DLGAP2: variants seen among roughly 807,000 people sequenced by gnomAD.
DLGAP2 encodes the protein DLG associated protein 2, also known as disks large-associated protein 2.
A neutral mutation model predicts 100.3 loss-of-function variants in DLGAP2; 26 were observed. The ratio of observed to expected loss-of-function variants is 0.26; its 90% CI spans 0.19 to 0.36. DLGAP2 has a LOEUF of 0.36. Among genes scored for constraint, DLGAP2 ranks in the 10% least tolerant of loss-of-function variants. The probability of loss-of-function intolerance (pLI) is 1.00; values close to 1 mark genes in which losing one functional copy is unlikely to be tolerated. For synonymous variants in DLGAP2, 886 were observed against 630.1 expected, an observed-to-expected ratio of 1.41 and a Z score of -6.08; for missense variants, 1,858 against 1,453.2, an observed-to-expected ratio of 1.28 and a Z score of -4.53.
intron 3 of DLGAP2, among the ~76,000 whole-genome samples, chr8:1,331,475 C>T (rs533337523): frequency 6.6e-6 from 1 of 152,332 alleles, no homozygotes; most frequent in African/African-American, 2.4e-5. Context: ...CAACAGACTC[C>T]TCCTGCCCAG....
At chr8:782,143 T>C (rs1205310696) in intron 1 of DLGAP2, among the ~76,000 whole-genome samples, 1 of 152,126 alleles carries the variant, frequency 6.6e-6, no homozygotes, top group Non-Finnish European at 1.5e-5. Context: ...GATTTTATTA[T>C]ATGAATGTAA....
At chr8:1,069,699 C>A (rs543346969) in intron 2 of DLGAP2, among the ~76,000 whole-genome samples, 1 of 152,082 alleles carries the variant, frequency 6.6e-6, no homozygotes, top group Non-Finnish European at 1.5e-5. Flanking sequence ...TAATGCTGTA[C>A]CTACGATAAA....
intron 3 of DLGAP2, among the ~76,000 whole-genome samples, chr8:1,342,895 C>T (rs549581230): frequency 2.8e-4 from 42 of 152,152 alleles, no homozygotes; most frequent in Non-Finnish European, 4.1e-4. Flanking sequence ...CTGCTTTCTG[C>T]CGTCTTTGCC....
intron 2 of DLGAP2, among the ~76,000 whole-genome samples, chr8:923,866 T>G (rs1798762995): frequency 6.6e-6 from 1 of 152,230 alleles, no homozygotes; most frequent in African/African-American, 2.4e-5. Context: ...AGATGCACAC[T>G]CAAGTAATTT....
At chr8:1,550,670 A>T (rs925900283) in intron 5 of DLGAP2, among the ~76,000 whole-genome samples, 1 of 152,206 alleles carries the variant, frequency 6.6e-6, no homozygotes, top group Non-Finnish European at 1.5e-5. Context: ...TACCAAAGGC[A>T]AAAACAAAGA....
chr8:1,405,348 G>T (rs1357138316), intron 3 of DLGAP2, among the ~76,000 whole-genome samples: 1 of 15,040 alleles, frequency 6.6e-5, no homozygotes. Context: ...ATCGTCCTCC[G>T]GAGTCGTGTA....
intron 2 of DLGAP2, among the ~76,000 whole-genome samples, chr8:1,120,412 T>C (rs572373059): frequency 6.6e-6 from 1 of 152,356 alleles, no homozygotes; most frequent in African/African-American, 2.4e-5. Context: ...ATGACAGCTA[T>C]GCTGGTATCT....
chr8:744,851 C>T (rs34363368), intron 1 of DLGAP2, among the ~76,000 whole-genome samples: 8 of 152,202 alleles, frequency 5.3e-5, no homozygotes, highest in South Asian at 2.1e-4. Context: ...GCTGCTTCCC[C>T]GGCCCCGATG....
chr8:1,230,541 G>T (rs1365253924), intron 2 of DLGAP2, among the ~76,000 whole-genome samples: 5 of 152,036 alleles, frequency 3.3e-5, no homozygotes, highest in African/African-American at 9.7e-5. Context: ...CAAAAAGCTC[G>T]AATAGCCAAA....
At chr8:1,146,423 G>C (rs911348423) in intron 2 of DLGAP2, among the ~76,000 whole-genome samples, 10 of 152,110 alleles carry the variant, frequency 6.6e-5, no homozygotes, top group African/African-American at 2.4e-4. Flanking sequence ...CTCTTAAATG[G>C]AATCTTTGAT....
intron 3 of DLGAP2, among the ~76,000 whole-genome samples, chr8:1,277,373 G>A (rs927842943): frequency 3.9e-5 from 6 of 152,082 alleles, no homozygotes; most frequent in South Asian, 2.1e-4. Context: ...TCTAGACTAA[G>A]CACTAAGGAT....
At chr8:1,569,850 G>T (rs1802582675) in intron 6 of DLGAP2, among the ~76,000 whole-genome samples, 1 of 150,994 alleles carries the variant, frequency 6.6e-6, no homozygotes, top group Admixed American at 6.6e-5. Flanking sequence ...CGGAGGGCAG[G>T]ATAGATCTTC....
At chr8:1,173,107 C>T (rs973625195) in intron 2 of DLGAP2, among the ~76,000 whole-genome samples, 1 of 152,202 alleles carries the variant, frequency 6.6e-6, no homozygotes, top group African/African-American at 2.4e-5. Flanking sequence ...AGAGACAGGA[C>T]CCTCAGCTGC....
chr8:1,143,690 T>G (rs1020431229), intron 2 of DLGAP2, among the ~76,000 whole-genome samples: 1 of 152,168 alleles, frequency 6.6e-6, no homozygotes, highest in Non-Finnish European at 1.5e-5. Context: ...GGCCCACGGA[T>G]GCTACACGCT....
rs149110033 is a variant in DLGAP2, at chr8:984,822, C to A, written c.73+76856C>A. On this transcript the variant is annotated intron_variant, in intron 2 of 14. Coordinates refer to ENST00000637795, the MANE Select transcript of DLGAP2 (RefSeq NM_001346810.2). ...GGACAATGAATGCAAGTGGCATAAA[C>A]AAATGCACCTGATTCTTCACTGGTC... Among the ~76,000 whole-genome samples, 208 of 152,282 alleles carry A rather than the reference C, an allele frequency of 1.4e-3. 1 individual carries two copies. Among genetic ancestry groups the A allele is most frequent in the Non-Finnish European group, 2.5e-3 (168 of 68,012 alleles).
intron 1 of DLGAP2, among the ~76,000 whole-genome samples, chr8:756,525 G>A (rs75902773): frequency 0.045 from 6,863 of 152,252 alleles, 520 homozygotes; most frequent in African/African-American, 0.16. Context: ...AGGTGTGAAA[G>A]TTGGGATTTA....
At chr8:1,313,641 C>T (rs1031601052) in intron 3 of DLGAP2, among the ~76,000 whole-genome samples, 1 of 152,192 alleles carries the variant, frequency 6.6e-6, no homozygotes, top group Non-Finnish European at 1.5e-5. Context: ...TCAGGCTTCA[C>T]AGCGGCAGGC....
At chr8:945,106 T>C (rs775124557) in intron 2 of DLGAP2, among the ~76,000 whole-genome samples, 5 of 152,220 alleles carry the variant, frequency 3.3e-5, no homozygotes, top group East Asian at 1.9e-4. Flanking sequence ...GAAACCTGTA[T>C]TGGGGAGAAT....
intron 2 of DLGAP2, among the ~76,000 whole-genome samples, chr8:976,460 A>C (rs1329346622): frequency 6.6e-6 from 1 of 152,122 alleles, no homozygotes; most frequent in East Asian, 1.9e-4. Flanking sequence ...AAATACAAAA[A>C]AATTAGCTGG....
Sources: allele counts gnomAD v4.1 joint callset (sites outside exome capture counted in the v4.1 genomes callset), GRCh38; gene constraint gnomAD v4.1.1; transcripts MANE v1.5; gene names NCBI Gene and HGNC (gene_info 2026-07-23, HGNC 2026-07-21).